The following FTO variants were observed in gnomAD, a reference collection of about 807,000 sequenced individuals.
The protein encoded by FTO is alpha-ketoglutarate-dependent dioxygenase FTO.
FTO carries 47 observed loss-of-function variants against 63.9 expected under a neutral mutation model. That is an observed-to-expected ratio of 0.74 (90% confidence interval 0.58 to 0.94). The LOEUF (loss-of-function observed/expected upper bound fraction) is 0.94. Among genes scored for constraint, FTO ranks in the 40% least tolerant of loss-of-function variants. The pLI is 0.00. For missense variants in FTO, 562 were observed against 618.1 expected (o/e 0.91, Z 0.96); for synonymous variants, 207 against 224.4 (o/e 0.92, Z 0.69).
At chr16:53,755,533 G>T (rs1177425657) in intron 1 of FTO, among the ~76,000 whole-genome samples, 1 of 152,168 alleles carries the variant, frequency 6.6e-6, no homozygotes, top group Non-Finnish European at 1.5e-5. Flanking sequence ...TTATTTTGAA[G>T]ACCATTTGTT....
chr16:54,075,561 G>C (rs946096882), intron 8 of FTO, among the ~76,000 whole-genome samples: 10 of 152,216 alleles, frequency 6.6e-5, no homozygotes, highest in Non-Finnish European at 4.4e-5. Flanking sequence ...TTTTCTAAAA[G>C]ATGATAGTTT....
chr16:54,109,138 G>A (rs1443287808), intron 8 of FTO, among the ~76,000 whole-genome samples: 1 of 152,156 alleles, frequency 6.6e-6, no homozygotes, highest in Non-Finnish European at 1.5e-5. Flanking sequence ...CTATCATTTG[G>A]AAATTGGCAA....
chr16:54,083,610 G>A (rs2086197703), intron 8 of FTO, among the ~76,000 whole-genome samples: 1 of 152,034 alleles, frequency 6.6e-6, no homozygotes, highest in Admixed American at 6.6e-5. Flanking sequence ...AGCTACGGTG[G>A]ATCCATTTCC....
chr16:54,002,665 C>T (rs568863901), intron 8 of FTO, among the ~76,000 whole-genome samples: 5 of 152,212 alleles, frequency 3.3e-5, no homozygotes, highest in South Asian at 2.1e-4. Flanking sequence ...TAATAAGCAG[C>T]GATGGCCTTT....
intron 8 of FTO, chr16:54,013,283 A>T (rs2084368173): frequency 6.4e-6 from 1 of 156,070 alleles, no homozygotes; most frequent in Non-Finnish European, 1.4e-5. Context: ...GAGCCTGAAG[A>T]TGTGATTGAA....
intron 4 of FTO, among the ~76,000 whole-genome samples, chr16:53,851,113 C>T (rs1487426562): frequency 2.6e-5 from 4 of 152,026 alleles, no homozygotes; most frequent in Admixed American, 1.3e-4. Flanking sequence ...CATGCTATCT[C>T]TACTAATTAT....
chr16:54,097,397 G>A (rs1335940732), intron 8 of FTO, among the ~76,000 whole-genome samples: 2 of 151,984 alleles, frequency 1.3e-5, no homozygotes, highest in Non-Finnish European at 2.9e-5. Context: ...CTGGAGTGCA[G>A]TGGTGTGATT....
At chr16:53,857,484 G>A (rs1248528839) in intron 4 of FTO, among the ~76,000 whole-genome samples, 1 of 146,768 alleles carries the variant, frequency 6.8e-6, no homozygotes, top group Admixed American at 6.8e-5. Context: ...ATATATATAG[G>A]AAGTCCTGGA....
intron 4 of FTO, among the ~76,000 whole-genome samples, chr16:53,862,591 A>G (rs2080207310): frequency 1.4e-5 from 2 of 145,998 alleles, no homozygotes; most frequent in Non-Finnish European, 3.0e-5. Context: ...GCTGGAGTAC[A>G]TTGGTGTGAT....
At position 54,119,973 on chromosome 16, in the gene FTO, C is replaced by G. The variant is rs368989062; in HGVS notation, c.*8058C>G. The G allele has an allele frequency of 6.6e-6, 1 of 152,196 alleles. No individual in the cohort carries two copies. Among genetic ancestry groups the G allele is most frequent in the East Asian group, 1.9e-4 (1 of 5,194 alleles). 9.4% of individuals were successfully genotyped at this position (152,196 alleles called of 1,614,324 possible). On this transcript the variant is annotated 3_prime_UTR_variant, in exon 9 of 9. Transcript: ENST00000471389. ...CGATTTCCCAAGATTTAGACTGGGT[C>G]GGGTTGTTATTTCTTTTTTCCCTGA...
chr16:53,930,692 C>A (rs2082260821), intron 7 of FTO, among the ~76,000 whole-genome samples: 1 of 152,016 alleles, frequency 6.6e-6, no homozygotes, highest in African/African-American at 2.4e-5. Flanking sequence ...TTACATAGTT[C>A]ATATACAAAT....
chr16:53,750,974 G>A (rs2076775426), intron 1 of FTO, among the ~76,000 whole-genome samples: 1 of 152,090 alleles, frequency 6.6e-6, no homozygotes, highest in African/African-American at 2.4e-5. Flanking sequence ...TGACATTCCT[G>A]GTTTGTTTAA....
chr16:53,950,163 A>AAAAAAAAAAAC (rs1567466198), intron 8 of FTO, among the ~76,000 whole-genome samples: 3 of 125,818 alleles, frequency 2.4e-5, no homozygotes, highest in East Asian at 1.9e-4. Flanking sequence ...TGTAAAAAAA[A>AAAAAAAAAAAC]AAAAAAAAAA....
chr16:53,875,326 G>C (rs776741582), intron 5 of FTO, among the ~76,000 whole-genome samples: 16 of 152,106 alleles, frequency 1.1e-4, no homozygotes, highest in Non-Finnish European at 1.9e-4. Flanking sequence ...TCTCATTAGT[G>C]CTGGGTTCAA....
intron 8 of FTO, among the ~76,000 whole-genome samples, chr16:54,100,471 G>C (rs138324181): frequency 6.2e-4 from 95 of 152,132 alleles, no homozygotes; most frequent in African/African-American, 2.2e-3. Context: ...TCCCACCTCA[G>C]CCTCCCAACT....
chr16:53,932,436 CT>C (rs1752824394), intron 7 of FTO, among the ~76,000 whole-genome samples: 2 of 150,350 alleles, frequency 1.3e-5, no homozygotes. Context: ...GTTGCCCAGG[CT>C]AGAGTACAGT....
intron 1 of FTO, among the ~76,000 whole-genome samples, chr16:53,709,347 A>G (rs761969377): frequency 2.0e-5 from 3 of 152,350 alleles, no homozygotes; most frequent in South Asian, 2.1e-4. Flanking sequence ...CTTCTAAGGC[A>G]TATAATAGAA....
At chr16:53,826,955 G>C (rs1021514563) in intron 3 of FTO, among the ~76,000 whole-genome samples, 1 of 152,200 alleles carries the variant, frequency 6.6e-6, no homozygotes, top group African/African-American at 2.4e-5. Context: ...TATTATGGTT[G>C]ACATCACTAT....
At chr16:53,754,164 G>T (rs554591993) in intron 1 of FTO, among the ~76,000 whole-genome samples, 1 of 152,296 alleles carries the variant, frequency 6.6e-6, no homozygotes, top group African/African-American at 2.4e-5. Flanking sequence ...CATTTGTACT[G>T]TTAAAGCTGT....
Sources: allele counts gnomAD v4.1 joint callset (sites outside exome capture counted in the v4.1 genomes callset), GRCh38; gene constraint gnomAD v4.1.1; transcripts MANE v1.5; gene names NCBI Gene and HGNC (gene_info 2026-07-23, HGNC 2026-07-21).